FGGY: variants seen among roughly 807,000 people sequenced by gnomAD.
The protein encoded by FGGY is FGGY carbohydrate kinase domain-containing protein.
In FGGY, 72 loss-of-function variants were observed where a neutral mutation model predicts 71.3. The ratio of observed to expected loss-of-function variants is 1.01; its 90% CI spans 0.84 to 1.23. The LOEUF is 1.23. FGGY is among the 50% of genes most tolerant of loss of function. FGGY has a pLI of 0.00. For missense variants in FGGY, 668 were observed against 682.3 expected, an observed-to-expected ratio of 0.98 and a Z score of 0.23; for synonymous variants, 251 against 250.3, an observed-to-expected ratio of 1.00 and a Z score of -0.02.
At position 59,641,427 on chromosome 1, in the gene FGGY, G is replaced by T. The variant is rs1052308421; in HGVS notation, c.1221+3052G>T. 5 of 1,211,356 alleles carry T rather than the reference G, an allele frequency of 4.1e-6. No individual in the cohort carries two copies. In the African/African-American group the frequency reaches 6.3e-5, roughly 15 times the overall value. The allele number at this position is 1,211,356 out of a possible 1,614,324, so 75.0% of individuals were successfully genotyped here. A position where few individuals can be genotyped will look rare whatever the true frequency, so the allele number is the denominator to read the frequency against. ...TTGAATACCTGCTATGTGCAGGCCTGTGCTAAACCCAGGTAATACAAAGAA... is the reference window on the plus strand; with the variant it reads ...TTGAATACCTGCTATGTGCAGGCCTTTGCTAAACCCAGGTAATACAAAGAA... On this transcript the variant is annotated intron_variant, in intron 11 of 15. Transcript: ENST00000303721.
At chr1:59,401,112 ACT>A (rs1368648454) in intron 5 of FGGY, among the ~76,000 whole-genome samples, 3 of 152,080 alleles carry the variant, frequency 2.0e-5, no homozygotes, top group Admixed American at 6.6e-5. Context: ...AGTAGCTAAT[ACT>A]CTCTTTCTTA....
chr1:59,441,310 G>A (rs2069817463), intron 5 of FGGY, among the ~76,000 whole-genome samples: 1 of 152,082 alleles, frequency 6.6e-6, no homozygotes, highest in African/African-American at 2.4e-5. Context: ...GTGCAGGAGG[G>A]CACAGTTTGG....
intron 14 of FGGY, among the ~76,000 whole-genome samples, chr1:59,712,701 G>T (rs966013471): frequency 2.6e-5 from 4 of 152,108 alleles, no homozygotes; most frequent in Non-Finnish European, 5.9e-5. Flanking sequence ...CTATAGGGAC[G>T]CAGGGCACCA....
chr1:59,401,918 C>T (rs564418710), intron 5 of FGGY, among the ~76,000 whole-genome samples: 51 of 152,266 alleles, frequency 3.3e-4, no homozygotes, highest in Non-Finnish European at 6.3e-4. Context: ...CAGAGAGGTG[C>T]ACCAAGACTG....
chr1:59,528,081 C>T (rs1402255967), intron 7 of FGGY, among the ~76,000 whole-genome samples: 1 of 152,152 alleles, frequency 6.6e-6, no homozygotes, highest in Admixed American at 6.5e-5. Flanking sequence ...TGATGAACTT[C>T]ACCAGTGGTA....
intron 7 of FGGY, among the ~76,000 whole-genome samples, chr1:59,533,095 G>A (rs916275917): frequency 2.6e-5 from 4 of 152,044 alleles, no homozygotes; most frequent in East Asian, 1.9e-4. Flanking sequence ...TCTGAGGTAC[G>A]GGGTTCATCT....
intron 3 of FGGY, among the ~76,000 whole-genome samples, chr1:59,342,839 A>C (rs1193315050): frequency 6.6e-6 from 1 of 152,226 alleles, no homozygotes; most frequent in Non-Finnish European, 1.5e-5. Flanking sequence ...TTAACCAAAA[A>C]ATTATAAACG....
At chr1:59,532,419 G>C (rs939655996) in intron 7 of FGGY, among the ~76,000 whole-genome samples, 3 of 152,110 alleles carry the variant, frequency 2.0e-5, no homozygotes, top group Admixed American at 2.0e-4. Context: ...AATGAGAGAA[G>C]AGAGATAATA....
intron 14 of FGGY, among the ~76,000 whole-genome samples, chr1:59,691,414 G>T (rs1413614508): frequency 6.6e-6 from 1 of 152,080 alleles, no homozygotes; most frequent in Non-Finnish European, 1.5e-5. Context: ...CAGTGGATTG[G>T]GGAAGCTAAA....
At chr1:59,654,684 A>C (rs2097202172) in intron 11 of FGGY, among the ~76,000 whole-genome samples, 1 of 152,196 alleles carries the variant, frequency 6.6e-6, no homozygotes. Context: ...GGTTTAGAGC[A>C]GTCATTTCCA....
intron 1 of FGGY, among the ~76,000 whole-genome samples, chr1:59,314,002 T>C (rs2044899401): frequency 1.3e-5 from 2 of 151,952 alleles, no homozygotes; most frequent in African/African-American, 4.8e-5. Flanking sequence ...CGCTTTGTTG[T>C]GTTGCCCAGG....
chr1:59,384,057 T>C (rs917383572), intron 5 of FGGY, among the ~76,000 whole-genome samples: 23 of 152,320 alleles, frequency 1.5e-4, no homozygotes, highest in African/African-American at 5.3e-4. Context: ...TATCAGAACA[T>C]GCTTGGGGGC....
intron 8 of FGGY, among the ~76,000 whole-genome samples, chr1:59,598,089 G>C (rs372191731): frequency 2.6e-5 from 4 of 152,130 alleles, no homozygotes; most frequent in African/African-American, 7.2e-5. Flanking sequence ...GTGATCCATA[G>C]AATAGACCAA....
chr1:59,590,755 C>T (rs1308648833), intron 8 of FGGY, among the ~76,000 whole-genome samples: 1 of 152,182 alleles, frequency 6.6e-6, no homozygotes, highest in African/African-American at 2.4e-5. Flanking sequence ...ATGCTAAAAA[C>T]TCTCAATAAA....
At chr1:59,758,474 C>T (rs2098313500) in intron 15 of FGGY, among the ~76,000 whole-genome samples, 1 of 152,186 alleles carries the variant, frequency 6.6e-6, no homozygotes. Context: ...GGGAATAAAA[C>T]ACAATTTAAT....
At chr1:59,366,726 C>T (rs555255945) in intron 4 of FGGY, among the ~76,000 whole-genome samples, 1 of 151,898 alleles carries the variant, frequency 6.6e-6, no homozygotes, top group Non-Finnish European at 1.5e-5. Flanking sequence ...GGCTCTTGCC[C>T]TTCAGAAGTT....
At chr1:59,614,397 C>T (rs186575474) in intron 9 of FGGY, among the ~76,000 whole-genome samples, 3 of 152,130 alleles carry the variant, frequency 2.0e-5, no homozygotes, top group East Asian at 1.9e-4. Flanking sequence ...ACGACAAAAA[C>T]CACATGATTA....
intron 4 of FGGY, among the ~76,000 whole-genome samples, chr1:59,364,020 A>T: frequency 6.6e-6 from 1 of 152,234 alleles, no homozygotes; most frequent in East Asian, 1.9e-4. Flanking sequence ...TGCCAGTTGA[A>T]ACAGTAAAGT....
intron 11 of FGGY, among the ~76,000 whole-genome samples, chr1:59,642,301 A>T (rs1487966502): frequency 6.6e-6 from 1 of 152,238 alleles, no homozygotes; most frequent in Non-Finnish European, 1.5e-5. Context: ...AGATCTGAAG[A>T]GACAAATTTA....
Sources: allele counts gnomAD v4.1 joint callset (sites outside exome capture counted in the v4.1 genomes callset), GRCh38; gene constraint gnomAD v4.1.1; transcripts MANE v1.5; gene names NCBI Gene and HGNC (gene_info 2026-07-23, HGNC 2026-07-21).